The following SPRY3 variants were observed in gnomAD, a reference collection of about 807,000 sequenced individuals.
The protein encoded by SPRY3 is sprouty RTK signaling antagonist 3.
In SPRY3, 15 loss-of-function variants were observed where a neutral mutation model predicts 20.2. The observed-to-expected ratio is 0.74, with a 90% CI of 0.50 to 1.14. SPRY3 has a LOEUF of 1.14. SPRY3 is among the 50% of genes most tolerant of loss of function. The pLI is 0.00. For missense variants in SPRY3, 364 were observed against 363.9 expected, an observed-to-expected ratio of 1.00 and a Z score of 0.00; for synonymous variants, 143 against 136.5, an observed-to-expected ratio of 1.05 and a Z score of -0.33.
At chrX:155,782,255 A>G (rs2091467437) in exon 2 of SPRY3, 1 of 166,978 alleles carries the variant, frequency 6.0e-6, no homozygotes, top group Non-Finnish European at 1.5e-5. Flanking sequence ...AGATTATTTG[A>G]GGATCTAGTA....
At chrX:155,767,741 A>AGGAGGAG (rs2091347868) in intron 2 of SPRY3, 1 of 121,764 alleles carries the variant, frequency 8.2e-6, no homozygotes, top group African/African-American at 3.1e-5. Flanking sequence ...GAGGAGAGAG[A>AGGAGGAG]GGAGGAGGAG....
chrX:155,616,130 C>CTCTCTCTCT (rs11396863), intron 1 of SPRY3, among the ~76,000 whole-genome samples: 4 of 57,190 alleles, frequency 7.0e-5, no homozygotes, highest in Admixed American at 2.3e-4. Flanking sequence ...CTCTCTCTCT[C>CTCTCTCTCT]CTCTCTCTCT....
intron 2 of SPRY3, among the ~76,000 whole-genome samples, chrX:155,708,004 C>A (rs1410867717): frequency 6.6e-6 from 1 of 151,068 alleles, no homozygotes; most frequent in Non-Finnish European, 1.5e-5. Flanking sequence ...CTACTAGCTC[C>A]TTTTTAGTTG....
At chrX:155,733,013 T>A (rs1400547053) in intron 2 of SPRY3, among the ~76,000 whole-genome samples, 2 of 151,780 alleles carry the variant, frequency 1.3e-5, no homozygotes, top group East Asian at 3.9e-4. Flanking sequence ...AGCCTAGAAG[T>A]GTAGTGGGGA....
exon 4 of SPRY3, chrX:155,774,888 C>A: frequency 1.2e-6 from 1 of 834,440 alleles, no homozygotes; most frequent in Non-Finnish European, 1.9e-6. Context: ...TGACCAAGTA[C>A]ATCCTGGTGC....
At chrX:155,773,306 G>GGA (rs1195756582) in intron 3 of SPRY3, among the ~76,000 whole-genome samples, 5 of 81,598 alleles carry the variant, frequency 6.1e-5, no homozygotes, top group Admixed American at 1.4e-4. Context: ...AATTTTGATT[G>GGA]GATATATATA....
intron 1 of SPRY3, among the ~76,000 whole-genome samples, chrX:155,639,378 A>C (rs1157793402): frequency 3.6e-5 from 4 of 111,921 alleles, no homozygotes; most frequent in Non-Finnish European, 7.5e-5. Context: ...AACACTTAAC[A>C]TGGGATCTAC....
exon 2 of SPRY3, chrX:155,782,121 C>T (rs1267703439): frequency 1.8e-5 from 3 of 167,090 alleles, no homozygotes; most frequent in Admixed American, 6.5e-5. Context: ...CAAAAAAGGA[C>T]GTGTCTTCTG....
At chrX:155,775,823 G>T (rs1043166465) in exon 4 of SPRY3, 40 of 167,224 alleles carry the variant, frequency 2.4e-4, no homozygotes, top group African/African-American at 7.5e-4. Context: ...TCTCTTAGAA[G>T]CTAACTTCCC....
chrX:155,767,676 G>GAAA (rs2091343058), intron 2 of SPRY3: 1 of 148,016 alleles, frequency 6.8e-6, no homozygotes, highest in Non-Finnish European at 1.5e-5. Flanking sequence ...AGAAGGGGGA[G>GAAA]GAGAAAGAGG....
chrX:155,708,257 C>T (rs1245525675), intron 2 of SPRY3, among the ~76,000 whole-genome samples: 1 of 151,144 alleles, frequency 6.6e-6, no homozygotes, highest in African/African-American at 2.4e-5. Flanking sequence ...ATTTATTTTG[C>T]CTTCACTTTT....
At chrX:155,700,638 T>TTTTAGG (rs2068134313) in intron 2 of SPRY3, among the ~76,000 whole-genome samples, 2 of 80,864 alleles carry the variant, frequency 2.5e-5, no homozygotes, top group Non-Finnish European at 4.4e-5. Context: ...TTTTTTATTA[T>TTTTAGG]ACTCTAAGTT....
intron 2 of SPRY3, among the ~76,000 whole-genome samples, chrX:155,678,579 A>G (rs773307856): frequency 8.9e-6 from 1 of 111,926 alleles, no homozygotes; most frequent in East Asian, 2.8e-4. Flanking sequence ...AGTAAAAAAG[A>G]GACCCAAAAG....
intron 2 of SPRY3, among the ~76,000 whole-genome samples, chrX:155,697,169 G>A (rs1234411156): frequency 1.8e-5 from 2 of 111,295 alleles, no homozygotes; most frequent in Non-Finnish European, 3.8e-5. Flanking sequence ...CATGAGGTTA[G>A]CATTAGAATT....
At chrX:155,724,417 G>C (rs1003278679) in intron 2 of SPRY3, among the ~76,000 whole-genome samples, 3 of 152,158 alleles carry the variant, frequency 2.0e-5, no homozygotes, top group African/African-American at 7.2e-5. Flanking sequence ...CTACCCATGA[G>C]CATGGAATGT....
At chrX:155,780,548 C>G (rs1419030837), downstream of SPRY3, 1 of 166,874 alleles carries the variant, frequency 6.0e-6, no homozygotes, top group Admixed American at 6.6e-5. Context: ...ATATGCATTT[C>G]TTTATATAGA....
intron 1 of SPRY3, among the ~76,000 whole-genome samples, chrX:155,624,519 TC>T (rs1253188134): frequency 3.6e-5 from 2 of 55,924 alleles, no homozygotes; most frequent in Non-Finnish European, 6.8e-5. Context: ...TTATCTATCA[TC>T]TATCTATCTA....
At chrX:155,759,553 CAT>C (rs1360462564) in intron 2 of SPRY3, among the ~76,000 whole-genome samples, 2 of 151,850 alleles carry the variant, frequency 1.3e-5, no homozygotes, top group Non-Finnish European at 2.9e-5. Flanking sequence ...ATATTAATAA[CAT>C]GTAACAAATT....
chrX:155,736,603 T>G (rs1415343759), intron 2 of SPRY3, among the ~76,000 whole-genome samples: 3 of 152,042 alleles, frequency 2.0e-5, no homozygotes, highest in Non-Finnish European at 4.4e-5. Context: ...TCTGGCTTCC[T>G]TCAAGATTTT....
Sources: gnomAD v4.1 joint callset for allele counts (sites outside exome capture counted in the v4.1 genomes callset) on GRCh38, gnomAD v4.1.1 for gene constraint, MANE v1.5 for transcripts, NCBI Gene and HGNC (gene_info 2026-07-23, HGNC 2026-07-21) for gene names.